The following SLC4A7 variants were observed in gnomAD, a reference collection of about 807,000 sequenced individuals.
The protein encoded by SLC4A7 is solute carrier family 4 member 7, also known as sodium bicarbonate cotransporter 3.
In SLC4A7, 51 loss-of-function variants were observed where a neutral mutation model predicts 137.6. The observed-to-expected ratio is 0.37, with a 90% CI of 0.30 to 0.47. The LOEUF (loss-of-function observed/expected upper bound fraction) is 0.47. Among genes scored for constraint, SLC4A7 ranks in the 20% least tolerant of loss-of-function variants. SLC4A7 has a pLI of 1.00. For synonymous variants in SLC4A7, 542 were observed against 518.6 expected, an observed-to-expected ratio of 1.05 and a Z score of -0.61; for missense variants, 1,247 against 1,525.4, an observed-to-expected ratio of 0.82 and a Z score of 3.04.
rs2056253642 is a variant in SLC4A7 at position 27,431,311 on chromosome 3, A to T, written c.1137T>A (p.Val379=). ...KGEEQKNEEN[V]DLTPGILASP... is the part of the protein sequence containing the mutation. The stretch of plus-strand genomic sequence containing the variant: ...TTGGATAGTTGCCTGGAGTTAAGTC[A>T]ACATTTTCCTCATTCTTCTGCTCCT... Residue 379 remains valine (V), a synonymous_variant, in exon 7 of 26, where the codon GTT becomes GTA. Coordinates refer to ENST00000454389, the MANE Select transcript of SLC4A7 (RefSeq NM_001321103.2). The T allele has an allele frequency of 6.3e-7, 1 of 1,582,436 alleles. No homozygotes were observed. Among genetic ancestry groups the T allele is most frequent in the African/African-American group, 1.4e-5 (1 of 73,972 alleles).
chr3:27,421,508 A>G, intron 9 of SLC4A7, 114 bp downstream of exon 9: 1 of 872,362 alleles, frequency 1.1e-6, no homozygotes, highest in Non-Finnish European at 1.7e-6. Flanking sequence ...ATAAGATAAA[A>G]TTAAATAAAA....
At chr3:27,377,522 A>G (rs2050016720) in intron 25 of SLC4A7, among the ~76,000 whole-genome samples, 1 of 152,096 alleles carries the variant, frequency 6.6e-6, no homozygotes, top group Non-Finnish European at 1.5e-5. Flanking sequence ...CCTCCCGAGT[A>G]GCTGTGATTA....
At chr3:27,434,913 C>T (rs1260895904) in intron 5 of SLC4A7, among the ~76,000 whole-genome samples, 1 of 152,088 alleles carries the variant, frequency 6.6e-6, no homozygotes, top group African/African-American at 2.4e-5. Flanking sequence ...AACAAATGAA[C>T]ACTAGATTAT....
intron 13 of SLC4A7, among the ~76,000 whole-genome samples, chr3:27,406,142 A>T (rs1206255446): frequency 3.3e-5 from 5 of 152,268 alleles, no homozygotes; most frequent in African/African-American, 1.2e-4. Flanking sequence ...TTCCGAAACT[A>T]GATTTCCAGT....
At chr3:27,475,993 T>C (rs1363307143) in intron 1 of SLC4A7, among the ~76,000 whole-genome samples, 2 of 152,182 alleles carry the variant, frequency 1.3e-5, no homozygotes, top group South Asian at 2.1e-4. Flanking sequence ...TAAGTAATAA[T>C]TGTAAAGAAT....
intron 16 of SLC4A7, among the ~76,000 whole-genome samples, chr3:27,399,971 T>G (rs2052588397): frequency 6.6e-6 from 1 of 152,206 alleles, no homozygotes; most frequent in South Asian, 2.1e-4. Flanking sequence ...GGATAAAATT[T>G]CAGATAATAT....
At chr3:27,448,955 A>G (rs2057872639) in intron 2 of SLC4A7, among the ~76,000 whole-genome samples, 158 bp from the exon 3 acceptor site, 3 of 152,260 alleles carry the variant, frequency 2.0e-5, no homozygotes, top group Admixed American at 1.3e-4. Context: ...AGCACTACAC[A>G]GAATATTGTG....
In SLC4A7 at chr3:27,443,024, C is replaced by CTTTTTT. The variant is rs1156950293; in HGVS notation, c.290-5504_290-5499dup. Among the ~76,000 whole-genome samples, 315 of 102,084 alleles carry CTTTTTT rather than the reference C, an allele frequency of 3.1e-3. 18 individuals are homozygous for CTTTTTT. Among genetic ancestry groups the CTTTTTT allele is most frequent in the Middle Eastern group, 0.014 (2 of 144 alleles). 67.0% of individuals were successfully genotyped at this position (102,084 alleles called of 152,430 possible). On this transcript the variant is annotated intron_variant, in intron 3 of 25. Transcript: ENST00000454389. ...CACCGCGCTGGGCATTCTCTTTTTT[C>CTTTTTT]TTTTTTTCTTTTTTTTTTTTTTTTT...
At chr3:27,403,744 A>T (rs2053038891) in intron 14 of SLC4A7, among the ~76,000 whole-genome samples, 1 of 152,176 alleles carries the variant, frequency 6.6e-6, no homozygotes, top group African/African-American at 2.4e-5. Flanking sequence ...TATATGAAAA[A>T]ACAATTGCAT....
At chr3:27,483,938 G>T in intron 1 of SLC4A7, 129 bp downstream of exon 1, 2 of 634,110 alleles carry the variant, frequency 3.2e-6, no homozygotes, top group East Asian at 4.2e-5. Flanking sequence ...GCCGGCCGCC[G>T]GGAGGTGGAG....
chr3:27,404,614 G>C (rs1362272840), intron 14 of SLC4A7, among the ~76,000 whole-genome samples: 1 of 152,164 alleles, frequency 6.6e-6, no homozygotes, highest in Non-Finnish European at 1.5e-5. Flanking sequence ...CAAATCCACT[G>C]ATTTTATACT....
intron 7 of SLC4A7, among the ~76,000 whole-genome samples, chr3:27,430,567 C>T (rs912652188): frequency 7.0e-6 from 1 of 143,254 alleles, no homozygotes; most frequent in Non-Finnish European, 1.5e-5. Flanking sequence ...TTACAGTGAG[C>T]TGAGATCATG....
chr3:27,391,430 A>G (rs1324876460), intron 21 of SLC4A7, among the ~76,000 whole-genome samples: 1 of 152,192 alleles, frequency 6.6e-6, no homozygotes, highest in Non-Finnish European at 1.5e-5. Flanking sequence ...TAAGTACCAA[A>G]ACTTTTTTTC....
intron 1 of SLC4A7, among the ~76,000 whole-genome samples, chr3:27,481,547 A>G (rs1266494057): frequency 6.6e-6 from 1 of 152,184 alleles, no homozygotes; most frequent in African/African-American, 2.4e-5. Flanking sequence ...ACTTTTATTT[A>G]CCAAAACTGG....
intron 1 of SLC4A7, among the ~76,000 whole-genome samples, chr3:27,480,963 G>T (rs1485804881): frequency 6.6e-6 from 1 of 152,008 alleles, no homozygotes; most frequent in Non-Finnish European, 1.5e-5. Flanking sequence ...GCACCTATAG[G>T]ATATTTAATA....
intron 25 of SLC4A7, among the ~76,000 whole-genome samples, chr3:27,377,901 T>G (rs1379104003): frequency 5.3e-5 from 8 of 152,226 alleles, no homozygotes; most frequent in Admixed American, 4.6e-4. Context: ...AGCCAAGATA[T>G]TCTCTTTCTT....
At position 27,376,646 on chromosome 3, in the gene SLC4A7, T is replaced by G. The variant is rs1383062248; in HGVS notation, c.*118A>C. ...CATTACAAACTCCAGACACTACTTT[T>G]AAAAACCCGGTAGTCACACATAAAC... is the stretch of plus-strand genomic sequence containing the variant. On this transcript the variant is annotated 3_prime_UTR_variant, in exon 26 of 26. Transcript: ENST00000454389. The G allele has an allele frequency of 3.4e-6, 2 of 590,362 alleles. No homozygotes were observed. Among genetic ancestry groups the G allele is most frequent in the Non-Finnish European group, 5.9e-6 (2 of 338,274 alleles). The allele number at this position is 590,362 out of a possible 1,614,324, so 36.6% of individuals were successfully genotyped here.
At chr3:27,403,453 T>C (rs951563228) in intron 14 of SLC4A7, 69 bp from the exon 15 acceptor site, 17 of 1,045,820 alleles carry the variant, frequency 1.6e-5, no homozygotes, top group African/African-American at 3.2e-5. Flanking sequence ...AAATTTTTCA[T>C]TGCAAGCAAT....
At chr3:27,446,114 C>T (rs2057606952) in intron 3 of SLC4A7, among the ~76,000 whole-genome samples, 1 of 93,632 alleles carries the variant, frequency 1.1e-5, no homozygotes, top group African/African-American at 3.4e-5. Flanking sequence ...AATCATTTAA[C>T]TATGTGTGTG....
Sources: gnomAD v4.1 joint callset for allele counts (sites outside exome capture counted in the v4.1 genomes callset) on GRCh38, gnomAD v4.1.1 for gene constraint, MANE v1.5 for transcripts, NCBI Gene and HGNC (gene_info 2026-07-23, HGNC 2026-07-21) for gene names.